USP54: variants seen among roughly 807,000 people sequenced by gnomAD.
USP54 encodes ubiquitin carboxyl-terminal hydrolase 54.
In USP54, 87 loss-of-function variants were observed where a neutral mutation model predicts 170.5. The ratio of observed to expected loss-of-function variants is 0.51; its 90% CI spans 0.43 to 0.61. The LOEUF (loss-of-function observed/expected upper bound fraction) is 0.61, where lower values mean the gene tolerates loss of function less well. USP54 is among the 20% of genes least tolerant of loss of function. The probability of loss-of-function intolerance (pLI) is 0.00; values close to 1 mark genes in which losing one functional copy is unlikely to be tolerated. For synonymous variants in USP54, 655 were observed against 742.8 expected, an observed-to-expected ratio of 0.88 and a Z score of 1.92; for missense variants, 1,786 against 2,047.8, an observed-to-expected ratio of 0.87 and a Z score of 2.47.
chr10:73,620,729 G>A (rs1724461911), intron 1 of USP54, among the ~76,000 whole-genome samples: 1 of 150,350 alleles, frequency 6.7e-6, no homozygotes, highest in Admixed American at 6.6e-5. Context: ...TCTGAGGTCA[G>A]GACTTCAAGA....
intron 20 of USP54, among the ~76,000 whole-genome samples, chr10:73,515,325 G>A (rs1204326708): frequency 1.3e-5 from 2 of 152,030 alleles, no homozygotes; most frequent in African/African-American, 4.8e-5. Context: ...TAAAACCTTG[G>A]CCCTGGGATA....
intron 4 of USP54, among the ~76,000 whole-genome samples, chr10:73,561,125 A>AAAAG (rs2072911024): frequency 6.6e-6 from 1 of 150,980 alleles, no homozygotes; most frequent in African/African-American, 2.4e-5. Context: ...AAAAAAAAAA[A>AAAAG]AAAGAAATCC....
chr10:73,510,282 C>A (rs1035935352), intron 20 of USP54, among the ~76,000 whole-genome samples: 2 of 151,756 alleles, frequency 1.3e-5, no homozygotes, highest in Admixed American at 6.6e-5. Flanking sequence ...TTGCAGTGAG[C>A]CGAGACTGCA....
chr10:73,555,984 T>C (rs1360152711), intron 4 of USP54, among the ~76,000 whole-genome samples: 1 of 152,208 alleles, frequency 6.6e-6, no homozygotes, highest in Non-Finnish European at 1.5e-5. Flanking sequence ...GTTGAGAATA[T>C]TTAAACCAGT....
intron 15 of USP54, among the ~76,000 whole-genome samples, chr10:73,528,185 C>G (rs954330993): frequency 1.3e-5 from 2 of 151,890 alleles, no homozygotes; most frequent in Non-Finnish European, 2.9e-5. Context: ...CCACCCAGCT[C>G]GGCCTCCCAA....
chr10:73,604,589 C>A lies in USP54; in HGVS notation c.-18+20978G>T, dbSNP rs1349555894. 1.1e-4 allele frequency among the ~76,000 whole-genome samples: 9 copies of A among 82,198 alleles called. No homozygotes were observed. In the East Asian group the frequency reaches 2.0e-3, roughly 18 times the overall value. The allele number at this position is 82,198 out of a possible 152,430, so 53.9% of individuals were successfully genotyped here. ...GCAACATAGTGAGACTCCATCTCCA[C>A]AAATTTTTTTTTTTTTTTTGAGACA... On this transcript the variant is annotated intron_variant, in intron 1 of 22. Transcript: ENST00000339859.
At chr10:73,538,073 T>C (rs751567254) in intron 10 of USP54, 1 of 152,072 alleles carries the variant, frequency 6.6e-6, no homozygotes, top group Non-Finnish European at 1.5e-5. Flanking sequence ...GGCATGATGG[T>C]ACGCGCCCGT....
intron 4 of USP54, among the ~76,000 whole-genome samples, chr10:73,565,116 A>G (rs1378711573): frequency 6.6e-6 from 1 of 151,780 alleles, no homozygotes; most frequent in Non-Finnish European, 1.5e-5. Context: ...TTTGGTACCT[A>G]AGTGATATAA....
chr10:73,516,369 T>TCTTA lies in USP54; in HGVS notation c.4051+2_4051+5dup. 6.2e-7 allele frequency: 1 copy of TCTTA among 1,603,316 alleles called. No homozygotes were observed. The highest frequency in any genetic ancestry group is 1.1e-5 in the South Asian group (1 of 89,162). On this transcript the variant is annotated splice_donor_region_variant and intron_variant, in intron 20 of 23. Transcript: ENST00000687698. The stretch of plus-strand genomic sequence containing the variant: ...CCCTCCCCCCAACCCCTGGTTGCAT[T>TCTTA]CTTACCTGTTTGGCTAAGTGGGTGC...
chr10:73,529,693 A>C lies in USP54; in HGVS notation c.2047T>G (p.Ser683Ala), dbSNP rs1590068945. The C allele has an allele frequency of 1.2e-6, 2 of 1,614,144 alleles. No homozygotes were observed. The highest frequency in any genetic ancestry group is 4.5e-5 in the East Asian group (2 of 44,882). The change falls in exon 15 of 24, where the codon TCA becomes GCA. Residue 683 changes from serine to alanine, a missense_variant. Physicochemically the swap from Ser to Ala is moderately conservative, Grantham distance 99. This residue lies in a region of USP54 where 1,418 missense variants were observed against 1,569.0 expected (regional missense o/e 0.90). Transcript: ENST00000687698. ...VSLDAALPES[S>A]NVYRDPSAKR... is the part of the protein sequence containing the mutation. ...GCCAAACAATACCTGTAGACATTTGAGCTCTCAGGCAGGGCTGCATCCAGG... is the reference window on the plus strand; with the variant it reads ...GCCAAACAATACCTGTAGACATTTGCGCTCTCAGGCAGGGCTGCATCCAGG...
chr10:73,550,247 C>T (rs1251202404), intron 4 of USP54, among the ~76,000 whole-genome samples: 2 of 152,142 alleles, frequency 1.3e-5, no homozygotes, highest in African/African-American at 4.8e-5. Flanking sequence ...TCTGGTTCAC[C>T]CTACACCAGC....
chr10:73,498,983 G>C lies in USP54; in HGVS notation c.4701C>G (p.Thr1567=), dbSNP rs925219594. Residue 1567 remains threonine (T), a synonymous_variant, in exon 24 of 24, where the codon ACC becomes ACG. Transcript: ENST00000687698. ...TTCTTTCTGGTAGTGTGGCAGTGTA[G>C]GTTAGTTGAGGATTGCACCCTGGAG... ...LTTPGCNPQL[T]YTATLPERSK... 4 of 1,614,154 alleles carry C rather than the reference G, an allele frequency of 2.5e-6. No homozygotes were observed. Among genetic ancestry groups the C allele is most frequent in the East Asian group, 4.5e-5 (2 of 44,882 alleles).
chr10:73,547,326 G>A (rs551204691), intron 4 of USP54, among the ~76,000 whole-genome samples: 5 of 152,224 alleles, frequency 3.3e-5, no homozygotes, highest in East Asian at 3.9e-4. Context: ...ACTTGAACCC[G>A]GGAGGCTGAG....
chr10:73,541,838 C>T, intron 7 of USP54, 100 bp from the exon 8 acceptor site: 2 of 1,180,690 alleles, frequency 1.7e-6, no homozygotes, highest in Non-Finnish European at 2.4e-6. Flanking sequence ...GACTTTCTTC[C>T]TCTGCCCCCT....
chr10:73,519,756 TC>T (rs758127730), intron 19 of USP54, 40 bp downstream of exon 19: 1 of 1,611,474 alleles, frequency 6.2e-7, no homozygotes, highest in Non-Finnish European at 8.5e-7. Flanking sequence ...GGTCATTTCT[TC>T]CCCTGGCATT....
intron 12 of USP54, among the ~76,000 whole-genome samples, chr10:73,532,171 C>T (rs2064115758): frequency 6.6e-6 from 1 of 151,986 alleles, no homozygotes; most frequent in Admixed American, 6.6e-5. Flanking sequence ...CTTGGAACAA[C>T]TAAGTCTTTT....
At chr10:73,577,702 G>T (rs984040880) in intron 1 of USP54, among the ~76,000 whole-genome samples, 2 of 152,138 alleles carry the variant, frequency 1.3e-5, no homozygotes, top group Non-Finnish European at 2.9e-5. Flanking sequence ...AGAAATGTTT[G>T]ACTATTAAAC....
chr10:73,559,164 T>C (rs1169740572), intron 4 of USP54, among the ~76,000 whole-genome samples: 1 of 152,186 alleles, frequency 6.6e-6, no homozygotes, highest in Non-Finnish European at 1.5e-5. Context: ...CTCATGCCTA[T>C]AATCCCAGCA....
intron 4 of USP54, among the ~76,000 whole-genome samples, chr10:73,566,330 A>G (rs987725844): frequency 6.6e-6 from 1 of 152,232 alleles, no homozygotes; most frequent in Non-Finnish European, 1.5e-5. Context: ...TGAGCTAAGA[A>G]ACACACACAA....
Sources: allele counts gnomAD v4.1 joint callset (sites outside exome capture counted in the v4.1 genomes callset), GRCh38; gene constraint gnomAD v4.1.1; regional missense constraint gnomAD v4.1.1; transcripts MANE v1.5; gene names NCBI Gene and HGNC (gene_info 2026-07-23, HGNC 2026-07-21).